Variants in RECK observed in about 807,000 individuals in gnomAD.
RECK encodes the protein reversion-inducing cysteine-rich protein with Kazal motifs.
A neutral mutation model predicts 115.1 loss-of-function variants in RECK; 69 were observed. The ratio of observed to expected loss-of-function variants is 0.60; its 90% CI spans 0.49 to 0.73. The LOEUF is 0.73. Among genes scored for constraint, RECK ranks in the 30% least tolerant of loss-of-function variants. The pLI is 0.00. For synonymous variants in RECK, 414 were observed against 419.7 expected, an observed-to-expected ratio of 0.99 and a Z score of 0.17; for missense variants, 1,047 against 1,203.7, an observed-to-expected ratio of 0.87 and a Z score of 1.93.
At chr9:36,092,782 A>T (rs1206019941) in intron 10 of RECK, among the ~76,000 whole-genome samples, 5 of 151,680 alleles carry the variant, frequency 3.3e-5, no homozygotes, top group Non-Finnish European at 7.4e-5. Flanking sequence ...TTTCATGGGG[A>T]GTAGAGTTCA....
Position 36,112,290 on chromosome 9 carries a change from G to C in RECK, c.1889-15G>C. The C allele has an allele frequency of 6.2e-7, 1 of 1,611,180 alleles. No individual in the cohort carries two copies. The highest frequency in any genetic ancestry group is 8.5e-7 in the Non-Finnish European group (1 of 1,178,758). On this transcript the variant is annotated splice_polypyrimidine_tract_variant and intron_variant, in intron 15 of 20. Coordinates refer to ENST00000377966, the MANE Select transcript of RECK (RefSeq NM_021111.3). The stretch of plus-strand genomic sequence containing the variant: ...TATACACATACATATTTTTGAGGCT[G>C]TTTCCTCTCCTCAGGTCTGCCCTGT...
chr9:36,073,046 C>CT (rs60660015), intron 6 of RECK, among the ~76,000 whole-genome samples: 13,222 of 146,242 alleles, frequency 0.09, 699 homozygotes, highest in East Asian at 0.3. Context: ...CATTGCTAAC[C>CT]TTTTTTTTTT....
chr9:36,039,093 G>A (rs1190600469), intron 1 of RECK, among the ~76,000 whole-genome samples: 1 of 152,020 alleles, frequency 6.6e-6, no homozygotes, highest in African/African-American at 2.4e-5. Context: ...AGAAAATGCT[G>A]GGTTAGTTGA....
At chr9:36,049,292 A>G (rs756854335) in intron 1 of RECK, among the ~76,000 whole-genome samples, 3 of 152,242 alleles carry the variant, frequency 2.0e-5, no homozygotes, top group South Asian at 2.1e-4. Context: ...TCAATCTGCA[A>G]TCCCCCTTCA....
In RECK at chr9:36,080,592, C is replaced by A; in HGVS notation, c.406-13C>A. On this transcript the variant is annotated splice_polypyrimidine_tract_variant and intron_variant, in intron 6 of 20. Transcript: ENST00000377966. ...TGTTAATTTCTGTTTATTTGTTTTT[C>A]TTCAATTTACAGAATGCTCTTTTCA... 6.3e-7 allele frequency: 1 copy of A among 1,597,868 alleles called. No individual in the cohort carries two copies. Among genetic ancestry groups the A allele is most frequent in the Non-Finnish European group, 8.6e-7 (1 of 1,168,754 alleles).
At chr9:36,106,094 C>A (rs1823798445) in intron 13 of RECK, among the ~76,000 whole-genome samples, 1 of 150,690 alleles carries the variant, frequency 6.6e-6, no homozygotes, top group Admixed American at 6.6e-5. Flanking sequence ...CCTGTAGTCC[C>A]AGCTACTCGG....
intron 6 of RECK, chr9:36,066,827 A>G (rs767130774): frequency 3.1e-5 from 40 of 1,289,408 alleles, no homozygotes; most frequent in Non-Finnish European, 4.0e-5. Flanking sequence ...GCATTGCCCT[A>G]GGAAGTCTGC....
At chr9:36,100,179 A>C (rs1484526082) in intron 10 of RECK, 152 bp from the exon 11 acceptor site, 2 of 619,438 alleles carry the variant, frequency 3.2e-6, no homozygotes, top group Admixed American at 5.8e-5. Context: ...CTGAATCTTC[A>C]TACAATCGAA....
Position 36,124,068 on chromosome 9 carries a change from G to A in RECK, c.*1023G>A, listed in dbSNP as rs995146875. ...AGTGTTCTGTCTGACTTTCTTTTTTGATATAGAAGTATAAAGAATTGTGGT... is the reference window on the plus strand; with the variant it reads ...AGTGTTCTGTCTGACTTTCTTTTTTAATATAGAAGTATAAAGAATTGTGGT... On this transcript the variant is annotated 3_prime_UTR_variant, in exon 21 of 21. Coordinates refer to ENST00000377966, the MANE Select transcript of RECK (RefSeq NM_021111.3). 1.3e-5 allele frequency: 2 copies of A among 152,564 alleles called. No homozygotes were observed. Among genetic ancestry groups the A allele is most frequent in the South Asian group, 2.1e-4 (1 of 4,830 alleles). The allele number at this position is 152,564 out of a possible 1,614,324, so 9.5% of individuals were successfully genotyped here. A position where few individuals can be genotyped will look rare whatever the true frequency, so the allele number is the denominator to read the frequency against.
At chr9:36,068,751 T>G (rs1822110750) in intron 6 of RECK, among the ~76,000 whole-genome samples, 1 of 152,238 alleles carries the variant, frequency 6.6e-6, no homozygotes, top group Non-Finnish European at 1.5e-5. Flanking sequence ...AAAGGGACTA[T>G]ACACTTAGTA....
intron 19 of RECK, among the ~76,000 whole-genome samples, chr9:36,121,079 G>T (rs1029688542): frequency 6.6e-6 from 1 of 152,158 alleles, no homozygotes; most frequent in African/African-American, 2.4e-5. Context: ...TTTTGAGGTC[G>T]CCTCCCCTCA....
chr9:36,068,680 A>G (rs1195420025), intron 6 of RECK, among the ~76,000 whole-genome samples: 1 of 152,200 alleles, frequency 6.6e-6, no homozygotes, highest in Non-Finnish European at 1.5e-5. Context: ...CTGGGTTCTG[A>G]TTGAAGGTGG....
chr9:36,052,149 TTAA>T (rs756739530), intron 1 of RECK, 113 bp from the exon 2 acceptor site: 66 of 657,452 alleles, frequency 1.0e-4, no homozygotes, highest in East Asian at 1.2e-4. Context: ...TGAGTTAAAA[TTAA>T]TAATAATAAT....
chr9:36,058,390 A>G (rs1821616636), intron 2 of RECK, among the ~76,000 whole-genome samples: 1 of 140,020 alleles, frequency 7.1e-6, no homozygotes, highest in Admixed American at 7.3e-5. Context: ...TTCTCAGTAA[A>G]CTATCGCAAG....
intron 8 of RECK, among the ~76,000 whole-genome samples, chr9:36,087,004 G>C (rs1822990369): frequency 6.6e-6 from 1 of 152,066 alleles, no homozygotes; most frequent in South Asian, 2.1e-4. Context: ...GGTGAATTCT[G>C]GTAATAGATA....
chr9:36,061,877 T>C (rs1357445577), intron 4 of RECK, among the ~76,000 whole-genome samples: 1 of 152,230 alleles, frequency 6.6e-6, no homozygotes, highest in East Asian at 1.9e-4. Flanking sequence ...TTTGTCTATC[T>C]GTGAACCATT....
In RECK at chr9:36,065,609, C is replaced by T; in HGVS notation, c.390C>T (p.Cys130=). ...ASSKNDISKV[C]RKEYENALFS... ...CAAAGAATGATATTTCCAAAGTTTG[C>T]AGAAAAGAATATGAGGTATGCATTT... is the stretch of plus-strand genomic sequence containing the variant. Residue 130 remains cysteine, a synonymous_variant, in exon 6 of 21, where the codon TGC becomes TGT. Transcript: ENST00000377966. 6.3e-7 allele frequency: 1 copy of T among 1,581,954 alleles called. No homozygotes were observed. The highest frequency in any genetic ancestry group is 1.8e-5 in the Admixed American group (1 of 55,016).
chr9:36,052,568 G>A (rs1433596630), intron 2 of RECK, among the ~76,000 whole-genome samples: 1 of 152,164 alleles, frequency 6.6e-6, no homozygotes, highest in Non-Finnish European at 1.5e-5. Context: ...TTAACTAATT[G>A]TCCAGGGTTC....
chr9:36,097,384 G>A (rs1008465895), intron 10 of RECK, among the ~76,000 whole-genome samples: 20 of 149,726 alleles, frequency 1.3e-4, no homozygotes, highest in Admixed American at 4.7e-4. Flanking sequence ...ACCCTTTACC[G>A]AAGAAGGACA....
Sources: allele counts gnomAD v4.1 joint callset (sites outside exome capture counted in the v4.1 genomes callset), GRCh38; gene constraint gnomAD v4.1.1; transcripts MANE v1.5; gene names NCBI Gene and HGNC (gene_info 2026-07-23, HGNC 2026-07-21).